Variants in DPYSL5 observed in about 807,000 individuals in gnomAD.
DPYSL5 encodes dihydropyrimidinase-related protein 5.
Under a neutral mutation model 58.4 loss-of-function variants are expected in DPYSL5, and 9 were observed. The observed-to-expected ratio is 0.15, with a 90% CI of 0.09 to 0.27. DPYSL5 has a LOEUF of 0.27. Ranked by LOEUF, DPYSL5 falls within the 10% of genes least tolerant of loss-of-function variation. DPYSL5 has a pLI of 1.00. For missense variants in DPYSL5, 499 were observed against 770.6 expected, an observed-to-expected ratio of 0.65 and a Z score of 4.17; for synonymous variants, 293 against 301.9, an observed-to-expected ratio of 0.97 and a Z score of 0.31.
chr2:26,915,069 C>T (rs1572704002), intron 2 of DPYSL5, among the ~76,000 whole-genome samples: 1 of 152,034 alleles, frequency 6.6e-6, no homozygotes, highest in African/African-American at 2.4e-5. Context: ...TCCTCTTACC[C>T]ACCCTCTCCT....
At chr2:26,892,756 TGAGAGA>T (rs144430871) in intron 1 of DPYSL5, among the ~76,000 whole-genome samples, 3,581 of 138,772 alleles carry the variant, frequency 0.026, 147 homozygotes, top group African/African-American at 0.081. Flanking sequence ...TGGGTTTGTT[TGAGAGA>T]GAGAGAGAGA....
At chr2:26,897,691 T>C (rs1430434525) in intron 1 of DPYSL5, among the ~76,000 whole-genome samples, 3 of 152,274 alleles carry the variant, frequency 2.0e-5, no homozygotes, top group East Asian at 3.9e-4. Flanking sequence ...TTGGGAAGGG[T>C]TTCCTTCTCT....
chr2:26,886,278 C>CTA (rs1663718661), intron 1 of DPYSL5, among the ~76,000 whole-genome samples: 1 of 152,124 alleles, frequency 6.6e-6, no homozygotes, highest in Non-Finnish European at 1.5e-5. Flanking sequence ...TTCATATAAA[C>CTA]TAGATACCTT....
intron 2 of DPYSL5, among the ~76,000 whole-genome samples, chr2:26,906,075 C>G (rs764201503): frequency 1.1e-4 from 16 of 152,126 alleles, no homozygotes; most frequent in Non-Finnish European, 2.2e-4. Context: ...TGCCAGCACC[C>G]TTTGCCACCT....
At chr2:26,937,630 C>T (rs184610340) in intron 8 of DPYSL5, among the ~76,000 whole-genome samples, 33 of 150,686 alleles carry the variant, frequency 2.2e-4, no homozygotes, top group Non-Finnish European at 3.1e-4. Context: ...TTTATTCTGG[C>T]TTGTTTTTTT....
At chr2:26,852,160 C>A (rs1174861266) in intron 1 of DPYSL5, among the ~76,000 whole-genome samples, 1 of 152,212 alleles carries the variant, frequency 6.6e-6, no homozygotes, top group Non-Finnish European at 1.5e-5. Flanking sequence ...ACTTAATTCA[C>A]AGGAATCCTG....
In DPYSL5 at chr2:26,944,645, TC is replaced by T. The variant is rs1198146109; in HGVS notation, c.1441-9del. On this transcript the variant is annotated splice_polypyrimidine_tract_variant and intron_variant, in intron 11 of 12. Transcript: ENST00000288699. This position sits in a 1 kb window ranked among gnomAD's most constrained non-coding sequence, Gnocchi z 4.4. ...GTCCTGTTCTTCTGCTCTTCTTCCA[TC>T]CTTCCCTAGACTTTAAAGGTTAGAG... The T allele has an allele frequency of 1.9e-6, 3 of 1,612,422 alleles. No homozygotes were observed. The African/African-American group carries it at 4.0e-5, about 22-fold the overall frequency.
chr2:26,899,122 T>G (rs745921368), intron 2 of DPYSL5, among the ~76,000 whole-genome samples: 4 of 152,192 alleles, frequency 2.6e-5, no homozygotes, highest in Non-Finnish European at 2.9e-5. Flanking sequence ...TGGGCTTCTT[T>G]ATGTATGATA....
At chr2:26,911,526 A>G (rs1207656557) in intron 2 of DPYSL5, among the ~76,000 whole-genome samples, 3 of 152,222 alleles carry the variant, frequency 2.0e-5, no homozygotes, top group Admixed American at 6.5e-5. Context: ...GATTATAAAT[A>G]TTGATGTAAA....
intron 1 of DPYSL5, among the ~76,000 whole-genome samples, chr2:26,869,878 A>G (rs1451529382): frequency 6.6e-6 from 1 of 152,082 alleles, no homozygotes; most frequent in Non-Finnish European, 1.5e-5. Flanking sequence ...GGGCGTGGTC[A>G]CAGGCGCCTG....
intron 1 of DPYSL5, among the ~76,000 whole-genome samples, chr2:26,862,915 C>T (rs1334502560): frequency 1.3e-5 from 2 of 152,152 alleles, no homozygotes; most frequent in Non-Finnish European, 2.9e-5. Context: ...TTCTGCCTGC[C>T]CCTGGTGTTT....
At chr2:26,928,704 T>TATATACACAC in intron 5 of DPYSL5, among the ~76,000 whole-genome samples, 1 of 62,966 alleles carries the variant, frequency 1.6e-5, no homozygotes, top group African/African-American at 6.3e-5. Flanking sequence ...TATATATATA[T>TATATACACAC]ACACACACAC....
intron 2 of DPYSL5, among the ~76,000 whole-genome samples, chr2:26,921,962 A>G (rs1664717083): frequency 6.6e-6 from 1 of 152,116 alleles, no homozygotes; most frequent in South Asian, 2.1e-4. Context: ...AACTATTTTC[A>G]GTTCCTGTCC....
intron 1 of DPYSL5, among the ~76,000 whole-genome samples, chr2:26,894,362 T>G (rs1307730789): frequency 1.3e-5 from 2 of 152,190 alleles, no homozygotes; most frequent in Non-Finnish European, 2.9e-5. Context: ...GCAGAGAGAA[T>G]GCAAACTCGC....
intron 2 of DPYSL5, among the ~76,000 whole-genome samples, chr2:26,901,712 C>T (rs1572697048): frequency 6.6e-6 from 1 of 152,214 alleles, no homozygotes; most frequent in African/African-American, 2.4e-5. Context: ...CAAGTTGCAT[C>T]TTTTTGTTCT....
intron 8 of DPYSL5, among the ~76,000 whole-genome samples, chr2:26,935,153 G>T (rs1665140576): frequency 6.6e-6 from 1 of 151,954 alleles, no homozygotes; most frequent in Non-Finnish European, 1.5e-5. Context: ...TCCTTCTGTG[G>T]GTTTCTCCTC....
intron 1 of DPYSL5, among the ~76,000 whole-genome samples, chr2:26,888,255 T>TTCTTTCTTTCTTTCTTTCTCTCTG: frequency 9.2e-6 from 1 of 108,258 alleles, no homozygotes; most frequent in South Asian, 2.8e-4. Context: ...CTTTCTTTCT[T>TTCTTTCTTTCTTTCTTTCTCTCTG]TCTTTCTTTC....
In DPYSL5 at chr2:26,874,271, C is replaced by T. The variant is rs186206650; in HGVS notation, c.-4-24225C>T. Reference sequence around the variant, plus strand: ...TATGAAGAACACAAGTTTTAAATTTCGATAAAAGTTTCATTTAACAATTTT... The same window carrying T: ...TATGAAGAACACAAGTTTTAAATTTTGATAAAAGTTTCATTTAACAATTTT... On this transcript the variant is annotated intron_variant, in intron 1 of 12. Coordinates refer to ENST00000288699, the MANE Select transcript of DPYSL5 (RefSeq NM_020134.4). Among the ~76,000 whole-genome samples the T allele has an allele frequency of 4.1e-3, 623 of 152,178 alleles. 3 individuals carry two copies. Among genetic ancestry groups the T allele is most frequent in the Admixed American group, 0.012 (186 of 15,278 alleles).
chr2:26,929,158 G>T (rs576844759), intron 5 of DPYSL5, among the ~76,000 whole-genome samples: 377 of 152,242 alleles, frequency 2.5e-3, no homozygotes, highest in African/African-American at 8.8e-3. Flanking sequence ...ACATGCGAGG[G>T]ATCTAGGTTG....
Sources: allele counts gnomAD v4.1 joint callset (sites outside exome capture counted in the v4.1 genomes callset), GRCh38; gene constraint gnomAD v4.1.1; non-coding constraint Gnocchi (gnomAD v3.1); transcripts MANE v1.5; gene names NCBI Gene and HGNC (gene_info 2026-07-23, HGNC 2026-07-21).